TUBGCP3: variants seen among roughly 807,000 people sequenced by gnomAD.
TUBGCP3 encodes the protein tubulin gamma complex component 3, also known as gamma-tubulin complex component 3.
Under a neutral mutation model 123.1 loss-of-function variants are expected in TUBGCP3, and 50 were observed. That is an observed-to-expected ratio of 0.41 (90% CI 0.32 to 0.51). The LOEUF (loss-of-function observed/expected upper bound fraction) is 0.51, where lower values mean the gene tolerates loss of function less well. Among genes scored for constraint, TUBGCP3 ranks in the 20% least tolerant of loss-of-function variants. The probability of loss-of-function intolerance (pLI) is 0.36; values close to 1 mark genes in which losing one functional copy is unlikely to be tolerated. For synonymous variants in TUBGCP3, 405 were observed against 413.9 expected (o/e 0.98, Z 0.26); for missense variants, 882 against 1,127.0 (o/e 0.78, Z 3.11).
intron 1 of TUBGCP3, 85 bp from the exon 2 acceptor site, chr13:112,569,344 T>C: frequency 1.7e-6 from 2 of 1,209,158 alleles, no homozygotes; most frequent in South Asian, 1.3e-5. Context: ...GACAGTGAAC[T>C]AGTAATAACA....
At chr13:112,546,997 T>G (rs1410840560) in intron 10 of TUBGCP3, 1 of 154,584 alleles carries the variant, frequency 6.5e-6, no homozygotes, top group Admixed American at 6.5e-5. Context: ...GCTACTAGGA[T>G]CTCAATGTTA....
rs1882755909 is a variant in TUBGCP3 at position 112,588,044 on chromosome 13, C to G, written c.-64G>C. ...GCCACTGCCGCCGCACGCGCAGGGA[C>G]CGCGGCCCGCGCCCTTCCTGCGCCC... On this transcript the variant is annotated 5_prime_UTR_variant, in exon 1 of 22. Coordinates refer to ENST00000261965, the MANE Select transcript of TUBGCP3 (RefSeq NM_006322.6). The G allele has an allele frequency of 5.3e-6, 7 of 1,311,058 alleles. No individual in the cohort carries two copies. Among genetic ancestry groups the G allele is most frequent in the Non-Finnish European group, 7.0e-6 (7 of 1,004,216 alleles). 81.2% of individuals were successfully genotyped at this position (1,311,058 alleles called of 1,614,324 possible).
rs1015242541 is a variant in TUBGCP3 at position 112,542,123 on chromosome 13, T to C, written c.1335+3576A>G. On this transcript the variant is annotated intron_variant, in intron 11 of 21. Transcript: ENST00000261965. ...CTACACCACTAAGCATGGCTGAGAG[T>C]AAACAAATCATAGTAATATAAAAAG... 2.0e-5 allele frequency among the ~76,000 whole-genome samples: 3 copies of C among 152,160 alleles called. 1 individual carries two copies. Among genetic ancestry groups the C allele is most frequent in the Non-Finnish European group, 4.4e-5 (3 of 68,008 alleles).
chr13:112,586,055 C>T (rs1187439293), intron 1 of TUBGCP3, among the ~76,000 whole-genome samples: 1 of 151,800 alleles, frequency 6.6e-6, no homozygotes. Context: ...CTGGCTAACA[C>T]AGTGAAACCC....
rs1290695894 is a variant in TUBGCP3, at chr13:112,485,207, A to G, written c.*786T>C. On this transcript the variant is annotated 3_prime_UTR_variant, in exon 22 of 22. Coordinates refer to ENST00000261965, the MANE Select transcript of TUBGCP3 (RefSeq NM_006322.6). ...TCATTATCCATGTCGATTTCTTTCC[A>G]ATGCTTATCAGGAACTTTGAAAATA... The G allele has an allele frequency of 6.6e-6, 1 of 152,640 alleles. No individual in the cohort carries two copies. The highest frequency in any genetic ancestry group is 2.4e-5 in the African/African-American group (1 of 41,446). The allele number at this position is 152,640 out of a possible 1,614,324, so 9.5% of individuals were successfully genotyped here.
rs74379814 is a variant in TUBGCP3 at position 112,562,860 on chromosome 13, G to A, written c.252+2251C>T. On this transcript the variant is annotated intron_variant, in intron 3 of 21. Transcript: ENST00000261965. ...AGAGGAACACCAAATAAACATCTTCGCAAAGCAGCCGTTTAGTGCCCAGCA... is the reference window on the plus strand; with the variant it reads ...AGAGGAACACCAAATAAACATCTTCACAAAGCAGCCGTTTAGTGCCCAGCA... Among the ~76,000 whole-genome samples the A allele has an allele frequency of 5.3e-3, 811 of 152,270 alleles. 5 individuals carry two copies. The highest frequency in any genetic ancestry group is 0.018 in the African/African-American group (766 of 41,558).
At chr13:112,568,460 T>C (rs1427080999) in intron 2 of TUBGCP3, among the ~76,000 whole-genome samples, 2 of 148,166 alleles carry the variant, frequency 1.3e-5, no homozygotes, top group African/African-American at 5.0e-5. Context: ...AACGTGTTAT[T>C]ACTGAGACCC....
chr13:112,596,499 A>G, the TUBGCP3 span, among the ~76,000 whole-genome samples: 14 of 151,920 alleles, frequency 9.2e-5, no homozygotes, highest in African/African-American at 3.1e-4. Context: ...CTAGGATGTT[A>G]TTTCTCTCTG....
At chr13:112,513,832 T>C (rs1315433181) in intron 17 of TUBGCP3, among the ~76,000 whole-genome samples, 1 of 152,198 alleles carries the variant, frequency 6.6e-6, no homozygotes, top group Non-Finnish European at 1.5e-5. Context: ...CTTTATGCTG[T>C]TTGTCACCTG....
In TUBGCP3 at chr13:112,504,113, C is replaced by T; in HGVS notation, c.2226G>A (p.Gln742=). The T allele has an allele frequency of 3.7e-6, 6 of 1,614,166 alleles. 1 individual carries two copies. In the South Asian group the frequency reaches 6.6e-5, roughly 18 times the overall value. ...DELWNKVQQA[Q]DLDHIIAAHE... ...GTGCAGCAATGATGTGATCCAAATC[C>T]TGGGCCTGCTGGACTTTGTTCCAAA... is the stretch of plus-strand genomic sequence containing the variant. Residue 742 remains glutamine (Q), a synonymous_variant, in exon 19 of 22, where the codon CAG becomes CAA. Coordinates refer to ENST00000261965, the MANE Select transcript of TUBGCP3 (RefSeq NM_006322.6).
chr13:112,526,753 C>G (rs904496937), intron 13 of TUBGCP3, among the ~76,000 whole-genome samples, 189 bp downstream of exon 13: 1 of 150,792 alleles, frequency 6.6e-6, no homozygotes, highest in Non-Finnish European at 1.5e-5. Flanking sequence ...GCCACCACCA[C>G]GCATTCATCA....
intron 10 of TUBGCP3, 25 bp downstream of exon 10, chr13:112,547,595 T>TGGGAAAGACGC (rs1566567693): frequency 2.8e-6 from 4 of 1,412,888 alleles, no homozygotes; most frequent in Admixed American, 5.2e-5. Flanking sequence ...GGGAAAGACG[T>TGGGAAAGACGC]GCGTGGGAAA....
chr13:112,522,302 A>G lies in TUBGCP3; in HGVS notation c.1745+18T>C. The G allele has an allele frequency of 6.6e-7, 1 of 1,520,832 alleles. No homozygotes were observed. Among genetic ancestry groups the G allele is most frequent in the Non-Finnish European group, 8.9e-7 (1 of 1,122,046 alleles). 94.2% of individuals were successfully genotyped at this position (1,520,832 alleles called of 1,614,324 possible). ...TCAAATATATTACTTATTTATAGAAATCAAAATAGTGCCTTACTTTAGCAA... is the reference window on the plus strand; with the variant it reads ...TCAAATATATTACTTATTTATAGAAGTCAAAATAGTGCCTTACTTTAGCAA... On this transcript the variant is annotated intron_variant, in intron 14 of 21. Coordinates refer to ENST00000261965, the MANE Select transcript of TUBGCP3 (RefSeq NM_006322.6).
chr13:112,546,147 G>A lies in TUBGCP3; in HGVS notation c.1169-282C>T, dbSNP rs1171688304. The A allele has an allele frequency of 1.2e-5, 4 of 336,222 alleles. No homozygotes were observed. In the East Asian group the frequency reaches 1.4e-4, roughly 12 times the overall value. The allele number at this position is 336,222 out of a possible 1,614,324, so 20.8% of individuals were successfully genotyped here. A position where few individuals can be genotyped will look rare whatever the true frequency, so the allele number is the denominator to read the frequency against. ...AAACAAAAAGTAGCAAAAAATTGCC[G>A]GCTACACAATCTAAAGTTCACATGA... is the stretch of plus-strand genomic sequence containing the variant. On this transcript the variant is annotated intron_variant, in intron 10 of 21. Transcript: ENST00000261965.
At position 112,519,173 on chromosome 13, in the gene TUBGCP3, C is replaced by G; in HGVS notation, c.1882-130G>C. On this transcript the variant is annotated intron_variant, in intron 15 of 21. Coordinates refer to ENST00000261965, the MANE Select transcript of TUBGCP3 (RefSeq NM_006322.6). The surrounding 1 kb of genome is among the most constrained non-coding windows in gnomAD (Gnocchi z 6.2). ...TGCTCAACAGTTCTGAGTGCATCTTCTTGTTAACTTCTACAACCTCACCAA... is the reference window on the plus strand; with the variant it reads ...TGCTCAACAGTTCTGAGTGCATCTTGTTGTTAACTTCTACAACCTCACCAA... 1 of 711,018 alleles carries G rather than the reference C, an allele frequency of 1.4e-6. No homozygotes were observed. Among genetic ancestry groups the G allele is most frequent in the African/African-American group, 1.8e-5 (1 of 56,444 alleles). The allele number at this position is 711,018 out of a possible 1,614,324, so 44.0% of individuals were successfully genotyped here. A position where few individuals can be genotyped will look rare whatever the true frequency, so the allele number is the denominator to read the frequency against.
chr13:112,534,838 G>C (rs537757670), intron 11 of TUBGCP3, among the ~76,000 whole-genome samples: 1 of 152,262 alleles, frequency 6.6e-6, no homozygotes, highest in East Asian at 1.9e-4. Context: ...GTGGCTTCTA[G>C]TATATTCACA....
intron 1 of TUBGCP3, among the ~76,000 whole-genome samples, chr13:112,579,722 C>T (rs931400935): frequency 2.6e-5 from 4 of 152,200 alleles, no homozygotes; most frequent in Admixed American, 2.6e-4. Context: ...CTGGAGCTCT[C>T]CCACACTGCT....
chr13:112,494,976 C>T (rs543801897), intron 20 of TUBGCP3, among the ~76,000 whole-genome samples: 6 of 152,310 alleles, frequency 3.9e-5, no homozygotes, highest in Admixed American at 3.9e-4. Context: ...ATCAATCCCT[C>T]GCCAATGGGT....
intron 1 of TUBGCP3, among the ~76,000 whole-genome samples, chr13:112,586,272 T>C (rs1393039529): frequency 1.3e-5 from 2 of 151,622 alleles, no homozygotes; most frequent in Non-Finnish European, 2.9e-5. Flanking sequence ...GGTTGAGAAA[T>C]ATCATTCTAG....
Sources: allele counts gnomAD v4.1 joint callset (sites outside exome capture counted in the v4.1 genomes callset), GRCh38; gene constraint gnomAD v4.1.1; non-coding constraint Gnocchi (gnomAD v3.1); transcripts MANE v1.5; gene names NCBI Gene and HGNC (gene_info 2026-07-23, HGNC 2026-07-21).